RORA: variants seen among roughly 807,000 people sequenced by gnomAD.
RORA encodes RAR related orphan receptor A, also known as nuclear receptor ROR-alpha.
RORA carries 7 observed loss-of-function variants against 69.5 expected under a neutral mutation model. That is an observed-to-expected ratio of 0.10 (90% CI 0.06 to 0.19). RORA has a LOEUF of 0.19. Ranked by LOEUF, RORA falls within the 10% of genes least tolerant of loss-of-function variation. RORA has a pLI of 1.00. For synonymous variants in RORA, 261 were observed against 240.8 expected (o/e 1.08, Z -0.78); for missense variants, 457 against 663.0 (o/e 0.69, Z 3.41).
chr15:61,043,014 AG>A (rs1896857393), intron 1 of RORA, among the ~76,000 whole-genome samples: 1 of 152,250 alleles, frequency 6.6e-6, no homozygotes, highest in African/African-American at 2.4e-5. Flanking sequence ...AGACACAGAC[AG>A]CAGGCTGAGA....
chr15:60,671,300 G>T lies in RORA; in HGVS notation c.196+7357C>A, dbSNP rs74325595. Among the ~76,000 whole-genome samples, 696 of 152,066 alleles carry T rather than the reference G, an allele frequency of 4.6e-3. 4 individuals carry two copies. The highest frequency in any genetic ancestry group is 0.016 in the African/African-American group (672 of 41,434). On this transcript the variant is annotated intron_variant, in intron 2 of 10. Transcript: ENST00000335670. ...AAGGCTTTGTTTCAGAGGAAGATGG[G>T]TTTGTGCTGTACGAAATATATGTCA...
chr15:60,771,187 C>T (rs1443541844), intron 1 of RORA, among the ~76,000 whole-genome samples: 1 of 101,846 alleles, frequency 9.8e-6, no homozygotes, highest in Non-Finnish European at 2.3e-5. Flanking sequence ...TATCCAACTC[C>T]CCCTACCCTC....
chr15:60,988,792 T>C (rs1022467843), intron 1 of RORA, among the ~76,000 whole-genome samples: 15 of 152,182 alleles, frequency 9.9e-5, no homozygotes, highest in Non-Finnish European at 1.9e-4. Flanking sequence ...CCTAGATTTA[T>C]CTACTCCAGG....
At chr15:60,873,247 GTC>G (rs2073577553) in intron 1 of RORA, among the ~76,000 whole-genome samples, 1 of 1,680 alleles carries the variant, frequency 6.0e-4, no homozygotes, top group East Asian at 0.019. Flanking sequence ...GTGTGTGTGT[GTC>G]TGTGTGTGTG....
chr15:60,630,138 T>A (rs955143400), intron 2 of RORA, among the ~76,000 whole-genome samples: 2 of 151,244 alleles, frequency 1.3e-5, no homozygotes, highest in African/African-American at 4.9e-5. Flanking sequence ...CCCATAGAAA[T>A]CTTTGATCTT....
intron 5 of RORA, among the ~76,000 whole-genome samples, chr15:60,507,510 TA>T (rs2065546783): frequency 1.3e-5 from 2 of 151,292 alleles, no homozygotes; most frequent in Admixed American, 1.3e-4. Flanking sequence ...ACATAAAAAA[TA>T]AAACACAAAT....
At chr15:60,911,703 ATT>A (rs60693324) in intron 1 of RORA, among the ~76,000 whole-genome samples, 9,171 of 142,916 alleles carry the variant, frequency 0.064, 467 homozygotes, top group East Asian at 0.24. Flanking sequence ...CGGATTTTTG[ATT>A]TTTTTTTTTT....
intron 1 of RORA, among the ~76,000 whole-genome samples, chr15:61,105,739 G>A (rs552342136): frequency 2.6e-5 from 4 of 152,166 alleles, no homozygotes; most frequent in Admixed American, 1.3e-4. Context: ...GACATATTAT[G>A]TGACCTTGAC....
At chr15:60,561,433 C>G (rs192137078) in intron 2 of RORA, among the ~76,000 whole-genome samples, 44 of 151,780 alleles carry the variant, frequency 2.9e-4, no homozygotes, top group Admixed American at 2.8e-3. Context: ...AATAATGAGG[C>G]ATAATTATAA....
At chr15:60,588,876 A>G (rs913145337) in intron 2 of RORA, among the ~76,000 whole-genome samples, 1 of 152,216 alleles carries the variant, frequency 6.6e-6, no homozygotes, top group African/African-American at 2.4e-5. Context: ...AAGTAACGTG[A>G]TTGAAATATA....
chr15:60,633,129 C>A (rs1263711019), intron 2 of RORA, among the ~76,000 whole-genome samples: 10 of 152,216 alleles, frequency 6.6e-5, no homozygotes, highest in Non-Finnish European at 1.5e-5. Context: ...CAATCTGGTG[C>A]TGGCTCTGAG....
intron 1 of RORA, among the ~76,000 whole-genome samples, chr15:60,934,494 GTTGTT>G (rs1892465106): frequency 1.7e-5 from 2 of 116,738 alleles, no homozygotes; most frequent in African/African-American, 5.6e-5. Flanking sequence ...TGTTGTTGTT[GTTGTT>G]TGTTTGTTTG....
At chr15:60,660,469 C>G (rs752973645) in intron 2 of RORA, among the ~76,000 whole-genome samples, 6 of 152,194 alleles carry the variant, frequency 3.9e-5, no homozygotes, top group Admixed American at 1.3e-4. Flanking sequence ...AGCTGGATTT[C>G]TTAGACCGTG....
rs577502886 is a variant in RORA at position 60,821,444 on chromosome 15, C to G, written c.167-142758G>C. ...GTAGGGCTCGCATTAAGAGCCTGCT[C>G]CTTCTTCCTTTCACCACCCAAAGTG... On this transcript the variant is annotated intron_variant, in intron 1 of 10. Coordinates refer to ENST00000335670, the MANE Select transcript of RORA (RefSeq NM_134261.3). Among the ~76,000 whole-genome samples, 6 of 152,292 alleles carry G rather than the reference C, an allele frequency of 3.9e-5. No individual in the cohort carries two copies. The East Asian group carries it at 7.7e-4, about 20-fold the overall frequency.
At chr15:61,168,262 TC>T (rs1319659453) in intron 1 of RORA, among the ~76,000 whole-genome samples, 8 of 152,070 alleles carry the variant, frequency 5.3e-5, no homozygotes, top group Admixed American at 5.2e-4. Flanking sequence ...GGAGTCTTGC[TC>T]TGTTGTCCAG....
intron 1 of RORA, among the ~76,000 whole-genome samples, chr15:61,187,983 G>C (rs1247797758): frequency 6.6e-6 from 1 of 152,086 alleles, no homozygotes; most frequent in Non-Finnish European, 1.5e-5. Flanking sequence ...CCCTGCCTCA[G>C]ACCTGCCAGG....
intron 2 of RORA, among the ~76,000 whole-genome samples, chr15:60,626,433 C>G (rs1567131547): frequency 6.6e-6 from 1 of 152,078 alleles, no homozygotes; most frequent in Non-Finnish European, 1.5e-5. Context: ...ACTCACCAAA[C>G]TAAAGGGTGA....
intron 1 of RORA, among the ~76,000 whole-genome samples, chr15:60,887,386 G>T (rs962341034): frequency 2.0e-5 from 3 of 151,998 alleles, no homozygotes; most frequent in African/African-American, 7.3e-5. Context: ...AGCTAAACGG[G>T]GTTTTTACAG....
rs1004905459 is a variant in RORA, at chr15:60,911,697, T to G, written c.167-233011A>C. ...AAAGAGAAAAGTGTCAGGTAACGGA[T>G]TTTTGATTTTTTTTTTTTTTTTGAA... On this transcript the variant is annotated intron_variant, in intron 1 of 10. Coordinates refer to ENST00000335670, the MANE Select transcript of RORA (RefSeq NM_134261.3). Among the ~76,000 whole-genome samples the G allele has an allele frequency of 2.1e-4, 12 of 58,214 alleles. No individual in the cohort carries two copies. In the South Asian group the frequency reaches 5.6e-3, roughly 27 times the overall value. 38.2% of individuals were successfully genotyped at this position (58,214 alleles called of 152,430 possible).
Sources: gnomAD v4.1 joint callset for allele counts (sites outside exome capture counted in the v4.1 genomes callset) on GRCh38, gnomAD v4.1.1 for gene constraint, MANE v1.5 for transcripts, NCBI Gene and HGNC (gene_info 2026-07-23, HGNC 2026-07-21) for gene names.